QRICH2: variants seen among roughly 807,000 people sequenced by gnomAD.
The protein encoded by QRICH2 is glutamine rich 2.
In QRICH2, 119 loss-of-function variants were observed where a neutral mutation model predicts 168.3. That is an observed-to-expected ratio of 0.71 (90% CI 0.61 to 0.82). QRICH2 has a LOEUF of 0.82. QRICH2 is among the 40% of genes least tolerant of loss of function. The probability of loss-of-function intolerance (pLI) is 0.00; values close to 1 mark genes in which losing one functional copy is unlikely to be tolerated. For synonymous variants in QRICH2, 894 were observed against 951.2 expected (o/e 0.94, Z 1.11); for missense variants, 2,241 against 2,491.6 (o/e 0.90, Z 2.14).
rs2070725498 is a variant in QRICH2 at position 76,278,209 on chromosome 17, C to G, written c.4917-20G>C. ...TTGAGGCTGCAGGGTGTGAGCAGAA[C>G]AGAGGGAGGGTTGGCCCATGGCGGG... On this transcript the variant is annotated intron_variant, in intron 14 of 18. Coordinates refer to ENST00000680821, the MANE Select transcript of QRICH2 (RefSeq NM_001388453.1). 6.3e-7 allele frequency: 1 copy of G among 1,599,620 alleles called. No homozygotes were observed. Among genetic ancestry groups the G allele is most frequent in the Non-Finnish European group, 8.5e-7 (1 of 1,178,310 alleles).
At chr17:76,289,705 A>C (rs1217592756) in intron 5 of QRICH2, among the ~76,000 whole-genome samples, 1 of 152,114 alleles carries the variant, frequency 6.6e-6, no homozygotes, top group Non-Finnish European at 1.5e-5. Flanking sequence ...TGGGAGGTCA[A>C]GGTAGGCAGA....
intron 3 of QRICH2, among the ~76,000 whole-genome samples, chr17:76,300,795 T>C (rs546166046): frequency 3.8e-4 from 58 of 151,650 alleles, no homozygotes; most frequent in Non-Finnish European, 7.4e-4. Context: ...CTCACGCCTG[T>C]AATCCCAGCA....
intron 2 of QRICH2, 32 bp from the exon 3 acceptor site, chr17:76,304,557 C>T (rs761524772): frequency 6.8e-7 from 1 of 1,464,990 alleles, no homozygotes; most frequent in Non-Finnish European, 9.5e-7. Context: ...CACACATACA[C>T]CCCTTGATTA....
rs2070788456 is a variant in QRICH2 at position 76,281,555 on chromosome 17, C to T, written c.4263+309G>A. ...CGTGCCAGGGAGTCAACATCTCCTA[C>T]AGTTGGGCCTGTGTCTCCAGGGCAC... On this transcript the variant is annotated intron_variant, in intron 8 of 18. Transcript: ENST00000680821. This position sits in a 1 kb window ranked among gnomAD's most constrained non-coding sequence, Gnocchi z 4.4. Among the ~76,000 whole-genome samples, 1 of 152,224 alleles carries T rather than the reference C, an allele frequency of 6.6e-6. No individual in the cohort carries two copies. The highest frequency in any genetic ancestry group is 2.1e-4 in the South Asian group (1 of 4,834).
At chr17:76,282,881 G>A (rs1207096361) in intron 7 of QRICH2, among the ~76,000 whole-genome samples, 1 of 152,224 alleles carries the variant, frequency 6.6e-6, no homozygotes, top group African/African-American at 2.4e-5. Flanking sequence ...GACTCTGCAG[G>A]GCTGGGGCAG....
chr17:76,277,349 A>G (rs2143125291), intron 15 of QRICH2, 39 bp from the exon 16 acceptor site: 1 of 1,597,982 alleles, frequency 6.3e-7, no homozygotes, highest in East Asian at 2.3e-5. Flanking sequence ...GGAGCAGACC[A>G]CCAGGGATGT....
intron 7 of QRICH2, among the ~76,000 whole-genome samples, chr17:76,282,523 A>G (rs1402483635): frequency 6.6e-6 from 1 of 152,130 alleles, no homozygotes; most frequent in Non-Finnish European, 1.5e-5. Context: ...GGGCTTGCAC[A>G]CGCTCCTGCT....
At chr17:76,295,269 T>G (rs925482410) in intron 3 of QRICH2, among the ~76,000 whole-genome samples, 2 of 150,676 alleles carry the variant, frequency 1.3e-5, no homozygotes, top group Non-Finnish European at 3.0e-5. Context: ...AAAAAATAAA[T>G]AAATAAAATA....
At chr17:76,294,876 G>T (rs2070771171) in intron 3 of QRICH2, among the ~76,000 whole-genome samples, 1 of 151,176 alleles carries the variant, frequency 6.6e-6, no homozygotes, top group Admixed American at 6.6e-5. Flanking sequence ...AAATACAAGT[G>T]ATCTCTCTGG....
chr17:76,297,964 C>T (rs542391066), intron 3 of QRICH2, among the ~76,000 whole-genome samples: 3 of 149,378 alleles, frequency 2.0e-5, no homozygotes, highest in South Asian at 4.3e-4. Flanking sequence ...CTGAAACCTC[C>T]GCCTCCAAGT....
rs2070986454 is a variant in QRICH2, at chr17:76,291,339, C to T, written c.3388G>A (p.Asp1130Asn). Residue 1130 changes from aspartate (D) to asparagine (N), a missense_variant, in exon 4 of 19, where the codon GAT becomes AAT. This residue lies in a region of QRICH2 where 2,047 missense variants were observed against 2,303.8 expected (regional missense o/e 0.89). Coordinates refer to ENST00000680821, the MANE Select transcript of QRICH2 (RefSeq NM_001388453.1). Reference protein sequence around the residue: ...SADQHGQEGLDPNRTRASDRH... With the variant: ...SADQHGQEGLNPNRTRASDRH... ...TCCGAGGCTCGTGTTCTATTTGGAT[C>T]CAAACCTTCCTGGCCATGCTGATCA... is the stretch of plus-strand genomic sequence containing the variant. 2 of 1,614,026 alleles carry T rather than the reference C, an allele frequency of 1.2e-6. No individual in the cohort carries two copies. The highest frequency in any genetic ancestry group is 2.7e-5 in the African/African-American group (2 of 74,926).
upstream of QRICH2, chr17:76,308,653 C>A (rs1256313473): frequency 4.6e-6 from 1 of 218,356 alleles, no homozygotes; most frequent in Non-Finnish European, 7.8e-6. Context: ...GGTGAAGCAA[C>A]TTGGAAAAGA....
intron 2 of QRICH2, 73 bp downstream of exon 2, chr17:76,304,809 C>T: frequency 9.1e-7 from 1 of 1,101,396 alleles, no homozygotes; most frequent in Non-Finnish European, 1.4e-6. Flanking sequence ...TGGACAAGCC[C>T]TGGAGAGAGG....
At chr17:76,288,265 T>C in intron 5 of QRICH2, among the ~76,000 whole-genome samples, 1 of 150,990 alleles carries the variant, frequency 6.6e-6, no homozygotes. Flanking sequence ...GCGCCTGTAA[T>C]CCCAGCTACT....
At chr17:76,277,781 C>T (rs1262969322) in intron 15 of QRICH2, among the ~76,000 whole-genome samples, 1 of 152,006 alleles carries the variant, frequency 6.6e-6, no homozygotes, top group Non-Finnish European at 1.5e-5. Flanking sequence ...CACACCCTTA[C>T]ACACACTCAT....
chr17:76,274,338 AG>A, intron 18 of QRICH2, 78 bp from the exon 19 acceptor site: 3 of 1,440,380 alleles, frequency 2.1e-6, no homozygotes, highest in Non-Finnish European at 2.8e-6. Flanking sequence ...CCCAATGCCC[AG>A]GGAGGTTGAG....
upstream of QRICH2, chr17:76,308,550 A>G: frequency 1.1e-6 from 1 of 946,148 alleles, no homozygotes; most frequent in Non-Finnish European, 1.3e-6. Flanking sequence ...TCCATTCCAG[A>G]GTGGTGGCCC....
In QRICH2 at chr17:76,307,732, C is replaced by T. The variant is rs1337506552; in HGVS notation, c.267G>A (p.Arg89=). 7.2e-7 allele frequency: 1 copy of T among 1,395,936 alleles called. No homozygotes were observed. The highest frequency in any genetic ancestry group is 9.3e-7 in the Non-Finnish European group (1 of 1,079,132). The allele number at this position is 1,395,936 out of a possible 1,614,324, so 86.5% of individuals were successfully genotyped here. ...CTGACGAAGGCGCCTGGCCCACGCC[C>T]CTGCGCTTCTCCCGGGGCGCCCCCT... is the stretch of plus-strand genomic sequence containing the variant. ...VPKGAPREKR[R]GVGQAPSSAL... The change falls in exon 1 of 19, where the codon AGG becomes AGA. Residue 89 remains arginine (R), a synonymous_variant. Transcript: ENST00000680821. The surrounding 1 kb of genome is among the most constrained non-coding windows in gnomAD (Gnocchi z 5.3).
Position 76,282,128 on chromosome 17 carries a change from G to A in QRICH2, c.4012-13C>T. The A allele has an allele frequency of 6.3e-7, 1 of 1,591,182 alleles. No homozygotes were observed. The highest frequency in any genetic ancestry group is 8.6e-7 in the Non-Finnish European group (1 of 1,163,046). On this transcript the variant is annotated splice_polypyrimidine_tract_variant and intron_variant, in intron 7 of 18. Transcript: ENST00000680821. ...TGAGCTTGTCCAACTGCGTGCAGGA[G>A]AGACGGCAGCAGCAGGGCAGTGAGG...
Sources: allele counts gnomAD v4.1 joint callset (sites outside exome capture counted in the v4.1 genomes callset), GRCh38; gene constraint gnomAD v4.1.1; regional missense constraint gnomAD v4.1.1; non-coding constraint Gnocchi (gnomAD v3.1); transcripts MANE v1.5; gene names NCBI Gene and HGNC (gene_info 2026-07-23, HGNC 2026-07-21).